Variants in PDE3A observed in about 807,000 individuals in gnomAD.
PDE3A encodes the protein cGMP-inhibited 3',5'-cyclic phosphodiesterase 3A.
Under a neutral mutation model 98.3 loss-of-function variants are expected in PDE3A, and 43 were observed. That is an observed-to-expected ratio of 0.44 (90% CI 0.34 to 0.56). The LOEUF is 0.56. PDE3A is among the 20% of genes least tolerant of loss of function. The pLI, the probability that PDE3A is intolerant of heterozygous loss-of-function variation, is 0.01. For missense variants in PDE3A, 1,427 were observed against 1,440.7 expected, an observed-to-expected ratio of 0.99 and a Z score of 0.15; for synonymous variants, 663 against 567.9, an observed-to-expected ratio of 1.17 and a Z score of -2.38.
intron 1 of PDE3A, among the ~76,000 whole-genome samples, chr12:20,539,529 A>G (rs1390946905): frequency 6.6e-6 from 1 of 152,144 alleles, no homozygotes; most frequent in Non-Finnish European, 1.5e-5. Flanking sequence ...GAAGAGTGAC[A>G]AGAGAAGATG....
At chr12:20,669,660 G>T (rs932868967) in intron 15 of PDE3A, among the ~76,000 whole-genome samples, 32 of 151,794 alleles carry the variant, frequency 2.1e-4, no homozygotes, top group Non-Finnish European at 7.4e-5. Context: ...GAGAGATTTT[G>T]TCACCACCAG....
rs1216614505 is a variant in PDE3A, at chr12:20,414,929, A to G, written c.960+44685A>G. 2.0e-5 allele frequency among the ~76,000 whole-genome samples: 3 copies of G among 151,802 alleles called. No homozygotes were observed. The East Asian group carries it at 5.8e-4, about 29-fold the overall frequency. The stretch of plus-strand genomic sequence containing the variant: ...ACTATTAGACCTAAAAGTATGTCAA[A>G]CATAATACAACTCTGATTATAAAGT... On this transcript the variant is annotated intron_variant, in intron 1 of 15. Transcript: ENST00000359062.
intron 1 of PDE3A, among the ~76,000 whole-genome samples, chr12:20,382,798 G>A (rs961483072): frequency 1.3e-5 from 2 of 151,972 alleles, no homozygotes; most frequent in African/African-American, 4.8e-5. Flanking sequence ...ACTGTGCCCA[G>A]CTGAACATGA....
chr12:20,579,221 C>T (rs934369125), intron 2 of PDE3A, among the ~76,000 whole-genome samples: 1 of 152,172 alleles, frequency 6.6e-6, no homozygotes, highest in African/African-American at 2.4e-5. Context: ...TGATTTTGCT[C>T]TTAAACACTT....
chr12:20,550,330 C>T (rs888209444), intron 1 of PDE3A, among the ~76,000 whole-genome samples: 6 of 152,132 alleles, frequency 3.9e-5, no homozygotes, highest in African/African-American at 1.2e-4. Flanking sequence ...AAGCCTATTG[C>T]TCAATTTATT....
At chr12:20,493,784 C>T (rs1945869534) in intron 1 of PDE3A, among the ~76,000 whole-genome samples, 1 of 152,200 alleles carries the variant, frequency 6.6e-6, no homozygotes, top group Non-Finnish European at 1.5e-5. Context: ...GCATGCGCCA[C>T]CAAGCCCAGC....
At chr12:20,548,756 G>A (rs1011166770) in intron 1 of PDE3A, among the ~76,000 whole-genome samples, 2 of 151,996 alleles carry the variant, frequency 1.3e-5, no homozygotes, top group Non-Finnish European at 2.9e-5. Flanking sequence ...CTCATTGTCT[G>A]TGGCCCATTA....
chr12:20,616,253 T>C lies in PDE3A; in HGVS notation c.1293T>C (p.Pro431=). 1.9e-6 allele frequency: 3 copies of C among 1,614,036 alleles called. No homozygotes were observed. Among genetic ancestry groups the C allele is most frequent in the Non-Finnish European group, 8.5e-7 (1 of 1,179,940 alleles). ...AGCGCCTGAGAAGGAGTTTGCCTCC[T>C]GGCTTGTTGAGACGAGTTTCTTCCA... ...IPKRLRRSLP[P]GLLRRVSSTW... Residue 431 remains proline, a synonymous_variant, in exon 4 of 16, where the codon CCT becomes CCC. Coordinates refer to ENST00000359062, the MANE Select transcript of PDE3A (RefSeq NM_000921.5).
intron 1 of PDE3A, among the ~76,000 whole-genome samples, chr12:20,550,625 T>C: frequency 6.6e-6 from 1 of 152,088 alleles, no homozygotes. Flanking sequence ...CAATTTTATA[T>C]AATGATTATC....
intron 1 of PDE3A, among the ~76,000 whole-genome samples, chr12:20,429,373 T>C (rs1466303917): frequency 6.6e-6 from 1 of 152,206 alleles, no homozygotes; most frequent in Non-Finnish European, 1.5e-5. Flanking sequence ...TATTAACCCT[T>C]GCCTCAAATT....
At chr12:20,547,064 T>C (rs1169011839) in intron 1 of PDE3A, among the ~76,000 whole-genome samples, 1 of 152,108 alleles carries the variant, frequency 6.6e-6, no homozygotes, top group African/African-American at 2.4e-5. Flanking sequence ...TGCTCCCGCC[T>C]CAGAGCCTTT....
chr12:20,466,301 G>A (rs1052666163), intron 1 of PDE3A, among the ~76,000 whole-genome samples: 1 of 152,130 alleles, frequency 6.6e-6, no homozygotes, highest in African/African-American at 2.4e-5. Context: ...TTTTTTATAT[G>A]AGCAAATAAT....
In PDE3A at chr12:20,447,321, T is replaced by G. The variant is rs559555347; in HGVS notation, c.960+77077T>G. On this transcript the variant is annotated intron_variant, in intron 1 of 15. Coordinates refer to ENST00000359062, the MANE Select transcript of PDE3A (RefSeq NM_000921.5). ...TCTGTCATACAGCTCCTAAAACCCT[T>G]GATAAGAATATCCTTTGTGTGCTAA... Among the ~76,000 whole-genome samples the G allele has an allele frequency of 2.5e-3, 377 of 152,380 alleles. 2 individuals are homozygous for G. The highest frequency in any genetic ancestry group is 3.8e-3 in the Non-Finnish European group (259 of 68,038).
At chr12:20,431,615 A>ACACACACACACG (rs1186862562) in intron 1 of PDE3A, among the ~76,000 whole-genome samples, 4 of 151,752 alleles carry the variant, frequency 2.6e-5, no homozygotes, top group South Asian at 2.1e-4. Flanking sequence ...ACACACACAC[A>ACACACACACACG]CACACACGCA....
chr12:20,630,103 T>C lies in PDE3A; in HGVS notation c.1736T>C (p.Leu579Pro). 6.2e-7 allele frequency: 1 copy of C among 1,611,474 alleles called. No homozygotes were observed. The highest frequency in any genetic ancestry group is 8.5e-7 in the Non-Finnish European group (1 of 1,177,620). Residue 579 changes from leucine (L) to proline (P), a missense_variant, in exon 6 of 16, where the codon CTG becomes CCG. Coordinates refer to ENST00000359062, the MANE Select transcript of PDE3A (RefSeq NM_000921.5). ...QSAPDLSPQI[L>P]TPPVICSSCG... is the part of the protein sequence containing the mutation. The stretch of plus-strand genomic sequence containing the variant: ...GCCCCAGACCTATCCCCTCAAATCC[T>C]GACTCCACCTGTTATATGTAGCAGG...
At chr12:20,604,405 C>T (rs1009936840) in intron 2 of PDE3A, among the ~76,000 whole-genome samples, 16 of 152,058 alleles carry the variant, frequency 1.1e-4, no homozygotes, top group Admixed American at 7.9e-4. Context: ...TATATCCCAA[C>T]GTTTTAAAAC....
intron 1 of PDE3A, among the ~76,000 whole-genome samples, chr12:20,459,282 G>A (rs1945206344): frequency 6.6e-6 from 1 of 152,016 alleles, no homozygotes; most frequent in Non-Finnish European, 1.5e-5. Flanking sequence ...TATCCCGGAG[G>A]TAGACTTTTA....
intron 1 of PDE3A, among the ~76,000 whole-genome samples, chr12:20,535,951 A>G (rs1194513267): frequency 6.6e-6 from 1 of 152,148 alleles, no homozygotes; most frequent in Non-Finnish European, 1.5e-5. Context: ...GTTTAAAATA[A>G]CAAATCCAAA....
chr12:20,600,942 GC>G (rs1224201132), intron 2 of PDE3A, among the ~76,000 whole-genome samples: 1 of 152,122 alleles, frequency 6.6e-6, no homozygotes, highest in Non-Finnish European at 1.5e-5. Flanking sequence ...TGGAGAGAGG[GC>G]ATTTACTTAT....
Sources: allele counts gnomAD v4.1 joint callset (sites outside exome capture counted in the v4.1 genomes callset), GRCh38; gene constraint gnomAD v4.1.1; transcripts MANE v1.5; gene names NCBI Gene and HGNC (gene_info 2026-07-23, HGNC 2026-07-21).